GOLGA7: variants seen among roughly 807,000 people sequenced by gnomAD.
The protein encoded by GOLGA7 is golgin subfamily A member 7.
Under a neutral mutation model 21.1 loss-of-function variants are expected in GOLGA7, and 10 were observed. That is an observed-to-expected ratio of 0.47 (90% CI 0.29 to 0.80). The LOEUF (loss-of-function observed/expected upper bound fraction) is 0.80, where lower values mean the gene tolerates loss of function less well. Ranked by LOEUF, GOLGA7 falls within the 30% of genes least tolerant of loss-of-function variation. The probability of loss-of-function intolerance (pLI) is 0.08; values close to 1 mark genes in which losing one functional copy is unlikely to be tolerated. For synonymous variants in GOLGA7, 64 were observed against 62.6 expected, an observed-to-expected ratio of 1.02 and a Z score of -0.10; for missense variants, 114 against 166.8, an observed-to-expected ratio of 0.68 and a Z score of 1.74.
chr8:41,507,423 T>A (rs1806311998), intron 4 of GOLGA7, among the ~76,000 whole-genome samples: 1 of 152,186 alleles, frequency 6.6e-6, no homozygotes, highest in African/African-American at 2.4e-5. Flanking sequence ...TGTTTTAATA[T>A]TTCAAAACTA....
rs1374445720 is a variant in GOLGA7 at position 41,506,009 on chromosome 8, A to G, written c.363A>G (p.Arg121=). 3 of 1,484,356 alleles carry G rather than the reference A, an allele frequency of 2.0e-6. No homozygotes were observed. The highest frequency in any genetic ancestry group is 2.8e-6 in the Non-Finnish European group (3 of 1,070,350). The allele number at this position is 1,484,356 out of a possible 1,614,324, so 91.9% of individuals were successfully genotyped here. The change falls in exon 3 of 5, where the codon CGA becomes CGG. Residue 121 remains arginine (R), a synonymous_variant. Coordinates refer to ENST00000357743, the MANE Select transcript of GOLGA7 (RefSeq NM_001002296.2). ...CAGACCCTATTGAGCGAGGACTGCG[A>G]GTTGTATCTTTTTAGTTCGGATCAG... ...LLTDPIERGL[R]VIEITIYEDR... is the part of the protein sequence containing the mutation.
intron 2 of GOLGA7, among the ~76,000 whole-genome samples, chr8:41,501,659 G>A (rs1024786247): frequency 2.0e-5 from 3 of 152,224 alleles, no homozygotes; most frequent in South Asian, 4.1e-4. Flanking sequence ...GCCTCCCAAA[G>A]TGCTAGGGCT....
chr8:41,502,558 G>A (rs945068255), intron 2 of GOLGA7: 1 of 152,176 alleles, frequency 6.6e-6, no homozygotes, highest in African/African-American at 2.4e-5. Context: ...CTCGTGGAAG[G>A]TTCCCCTTTC....
chr8:41,497,483 AT>A, intron 1 of GOLGA7, 25 bp from the exon 2 acceptor site: 1 of 1,318,738 alleles, frequency 7.6e-7, no homozygotes, highest in Non-Finnish European at 1.0e-6. Flanking sequence ...CCAAAACTTA[AT>A]TTTTAAATAT....
chr8:41,506,902 A>G (rs1806299902), intron 3 of GOLGA7, 157 bp from the exon 4 acceptor site: 1 of 654,478 alleles, frequency 1.5e-6, no homozygotes, highest in Admixed American at 3.0e-5. Flanking sequence ...AATTTTCAGC[A>G]AATTGGAGAA....
chr8:41,505,628 T>C (rs1374290785), intron 2 of GOLGA7, among the ~76,000 whole-genome samples: 2 of 152,196 alleles, frequency 1.3e-5, no homozygotes, highest in Admixed American at 1.3e-4. Flanking sequence ...TTGAGGTGAC[T>C]GAGAAGTAGG....
chr8:41,503,002 AT>A (rs1276541185), intron 2 of GOLGA7, among the ~76,000 whole-genome samples: 2 of 152,184 alleles, frequency 1.3e-5, no homozygotes, highest in Admixed American at 6.5e-5. Flanking sequence ...CTCTTCTGCT[AT>A]TAAAGAGACT....
chr8:41,498,312 C>CT (rs1318501659), intron 2 of GOLGA7, among the ~76,000 whole-genome samples: 1 of 152,234 alleles, frequency 6.6e-6, no homozygotes, highest in African/African-American at 2.4e-5. Context: ...CTTTTCTAAA[C>CT]TATCTGCTGT....
At chr8:41,497,946 G>A (rs1341673275) in intron 2 of GOLGA7, among the ~76,000 whole-genome samples, 2 of 152,162 alleles carry the variant, frequency 1.3e-5, no homozygotes, top group African/African-American at 4.8e-5. Flanking sequence ...TTCTGGGAAT[G>A]TTTTTACTTT....
At chr8:41,509,469 G>A (rs1407306839) in intron 4 of GOLGA7, 115 bp from the exon 5 acceptor site, 1 of 152,380 alleles carries the variant, frequency 6.6e-6, no homozygotes, top group Non-Finnish European at 1.5e-5. Flanking sequence ...AAAATTCTAG[G>A]TTAGTAGAAC....
At chr8:41,508,754 C>A (rs1220208200) in intron 4 of GOLGA7, among the ~76,000 whole-genome samples, 1 of 152,258 alleles carries the variant, frequency 6.6e-6, no homozygotes, top group Non-Finnish European at 1.5e-5. Flanking sequence ...TACCCTCTTT[C>A]ATGAATGCAG....
At chr8:41,497,394 C>T (rs959918907) in intron 1 of GOLGA7, 115 bp from the exon 2 acceptor site, 3 of 611,712 alleles carry the variant, frequency 4.9e-6, no homozygotes, top group Non-Finnish European at 5.7e-6. Context: ...CAGATTTAGT[C>T]ACCAAAAAAA....
intron 2 of GOLGA7, among the ~76,000 whole-genome samples, chr8:41,504,912 T>A (rs955166076): frequency 1.8e-4 from 27 of 152,198 alleles, no homozygotes; most frequent in Non-Finnish European, 3.7e-4. Flanking sequence ...ATACACTTCT[T>A]TTTTCCCTTT....
At chr8:41,495,948 C>T (rs900071729) in intron 1 of GOLGA7, among the ~76,000 whole-genome samples, 16 of 152,120 alleles carry the variant, frequency 1.1e-4, no homozygotes, top group African/African-American at 3.6e-4. Context: ...CAATGGATGA[C>T]AGTACAGGTT....
At chr8:41,507,175 A>G in intron 4 of GOLGA7, 54 bp downstream of exon 4, 2 of 777,048 alleles carry the variant, frequency 2.6e-6, no homozygotes, top group South Asian at 1.4e-5. Context: ...TAGAGGATGC[A>G]TGAATATTCT....
chr8:41,506,928 G>GA, intron 3 of GOLGA7, 131 bp from the exon 4 acceptor site: 1 of 680,836 alleles, frequency 1.5e-6, no homozygotes, highest in South Asian at 1.7e-5. Context: ...ACTTAAGTAG[G>GA]AAAAATGTTT....
intron 1 of GOLGA7, among the ~76,000 whole-genome samples, 197 bp downstream of exon 1, chr8:41,491,162 G>A (rs922066227): frequency 6.6e-6 from 1 of 152,206 alleles, no homozygotes; most frequent in African/African-American, 2.4e-5. Flanking sequence ...GAATAATATA[G>A]GCCGATCGCC....
At chr8:41,494,650 T>TA (rs1304422742) in intron 1 of GOLGA7, among the ~76,000 whole-genome samples, 2 of 152,158 alleles carry the variant, frequency 1.3e-5, no homozygotes, top group Admixed American at 1.3e-4. Context: ...CTACAAGGGG[T>TA]AGCTCAGTGA....
intron 2 of GOLGA7, among the ~76,000 whole-genome samples, chr8:41,502,132 C>A (rs1177917562): frequency 6.6e-6 from 1 of 152,160 alleles, no homozygotes; most frequent in Non-Finnish European, 1.5e-5. Context: ...GAATTAATAA[C>A]TGGAATGATG....
Sources: gnomAD v4.1 joint callset for allele counts (sites outside exome capture counted in the v4.1 genomes callset) on GRCh38, gnomAD v4.1.1 for gene constraint, MANE v1.5 for transcripts, NCBI Gene and HGNC (gene_info 2026-07-23, HGNC 2026-07-21) for gene names.